HDAC9: variants seen among roughly 807,000 people sequenced by gnomAD.
The protein encoded by HDAC9 is MEF-2 interacting transcription repressor (MITR) protein.
Under a neutral mutation model 139.4 loss-of-function variants are expected in HDAC9, and 41 were observed. The observed-to-expected ratio is 0.29, with a 90% CI of 0.23 to 0.38. HDAC9 has a LOEUF of 0.38. Among genes scored for constraint, HDAC9 ranks in the 10% least tolerant of loss-of-function variants. The pLI, the probability that HDAC9 is intolerant of heterozygous loss-of-function variation, is 1.00. For synonymous variants in HDAC9, 517 were observed against 476.2 expected, an observed-to-expected ratio of 1.09 and a Z score of -1.12; for missense variants, 1,147 against 1,297.0, an observed-to-expected ratio of 0.88 and a Z score of 1.78.
chr7:18,710,697 A>G (rs1784282559), intron 12 of HDAC9, among the ~76,000 whole-genome samples: 1 of 152,222 alleles, frequency 6.6e-6, no homozygotes. Context: ...AGTTGAAAGT[A>G]CATCAAATGC....
Position 18,658,890 on chromosome 7 carries a change from AAAAAAAAGC to A in HDAC9, c.1468-7315_1468-7307del, listed in dbSNP as rs1439281499. Among the ~76,000 whole-genome samples, 46 of 128,022 alleles carry A rather than the reference AAAAAAAAGC, an allele frequency of 3.6e-4. No individual in the cohort carries two copies. In the East Asian group the frequency reaches 3.9e-3, roughly 11 times the overall value. The allele number at this position is 128,022 out of a possible 152,430, so 84.0% of individuals were successfully genotyped here. A position where few individuals can be genotyped will look rare whatever the true frequency, so the allele number is the denominator to read the frequency against. On this transcript the variant is annotated intron_variant, in intron 11 of 25. Transcript: ENST00000686413. The stretch of plus-strand genomic sequence containing the variant: ...AAGAATATTACATTTATTTAAAAGA[AAAAAAAAGC>A]AAAAAAAAAAAAAACAAAACAACAA...
At chr7:18,679,828 A>G (rs576995823) in intron 12 of HDAC9, among the ~76,000 whole-genome samples, 2 of 151,996 alleles carry the variant, frequency 1.3e-5, no homozygotes, top group South Asian at 4.1e-4. Context: ...TACATTTTGT[A>G]TATTATATTT....
chr7:18,097,499 G>A (rs1782588164), intron 1 of HDAC9, among the ~76,000 whole-genome samples: 1 of 141,770 alleles, frequency 7.1e-6, no homozygotes, highest in Non-Finnish European at 1.5e-5. Context: ...AGGTTATCTT[G>A]CGTTTGCTTG....
chr7:18,323,227 T>G (rs1423588582), intron 1 of HDAC9, among the ~76,000 whole-genome samples: 2 of 152,296 alleles, frequency 1.3e-5, no homozygotes, highest in East Asian at 3.9e-4. Flanking sequence ...AGTTCTTTCT[T>G]ATTGGCTCTA....
chr7:18,089,963 T>C (rs950085407), intron 1 of HDAC9, among the ~76,000 whole-genome samples: 3 of 152,136 alleles, frequency 2.0e-5, no homozygotes, highest in Admixed American at 6.5e-5. Context: ...ACTGTTTAAG[T>C]TGGTGGGGGC....
intron 1 of HDAC9, among the ~76,000 whole-genome samples, chr7:18,410,363 G>A (rs1028953648): frequency 6.6e-6 from 1 of 152,136 alleles, no homozygotes; most frequent in Non-Finnish European, 1.5e-5. Context: ...AAGAAGTAAT[G>A]CTGGATGAAC....
intron 1 of HDAC9, among the ~76,000 whole-genome samples, chr7:18,484,866 A>AG (rs76392201): frequency 1.3e-5 from 2 of 151,990 alleles, no homozygotes; most frequent in African/African-American, 4.8e-5. Flanking sequence ...AAAAAAAAAA[A>AG]AGGAAAACGT....
At chr7:18,264,034 ACCCAAAATGTATGAC>A (rs1795849754) in intron 2 of HDAC9, among the ~76,000 whole-genome samples, 1 of 152,220 alleles carries the variant, frequency 6.6e-6, no homozygotes, top group African/African-American at 2.4e-5. Context: ...ACATTTATGC[ACCCAAAATGTATGAC>A]ACAAAATTGA....
At chr7:18,906,143 T>A (rs1441906388) in intron 22 of HDAC9, among the ~76,000 whole-genome samples, 1 of 151,646 alleles carries the variant, frequency 6.6e-6, no homozygotes, top group African/African-American at 2.4e-5. Context: ...TTTTTTAACG[T>A]TATTTTTTTT....
chr7:18,900,882 G>A (rs1801641679), intron 22 of HDAC9, among the ~76,000 whole-genome samples: 1 of 152,036 alleles, frequency 6.6e-6, no homozygotes, highest in Non-Finnish European at 1.5e-5. Context: ...GCTAATAAGA[G>A]CCACAACTTT....
chr7:18,265,080 C>T (rs1795914614), intron 2 of HDAC9, among the ~76,000 whole-genome samples: 2 of 152,046 alleles, frequency 1.3e-5, no homozygotes, highest in South Asian at 4.1e-4. Flanking sequence ...TTAGGAGTCT[C>T]AATGCTGGCT....
At chr7:18,902,195 C>G (rs1398292074) in intron 22 of HDAC9, among the ~76,000 whole-genome samples, 1 of 152,206 alleles carries the variant, frequency 6.6e-6, no homozygotes, top group African/African-American at 2.4e-5. Context: ...GGAACATGCA[C>G]TAATGCTGCT....
intron 1 of HDAC9, among the ~76,000 whole-genome samples, chr7:18,303,123 T>C (rs1334312166): frequency 6.6e-6 from 1 of 152,140 alleles, no homozygotes; most frequent in East Asian, 1.9e-4. Flanking sequence ...ATATAAAGAT[T>C]AAGTGTATAG....
chr7:18,430,867 A>G (rs745745597), intron 1 of HDAC9: 12 of 152,384 alleles, frequency 7.9e-5, no homozygotes, highest in Non-Finnish European at 1.5e-4. Flanking sequence ...ATCCTGGACA[A>G]CAGAGTGAGA....
intron 17 of HDAC9, among the ~76,000 whole-genome samples, chr7:18,821,690 A>T (rs1562964605): frequency 1.3e-5 from 2 of 152,216 alleles, no homozygotes. Context: ...GTTTAACTCA[A>T]TTCTGACACT....
intron 21 of HDAC9, among the ~76,000 whole-genome samples, chr7:18,874,132 T>C (rs1359514202): frequency 6.6e-6 from 1 of 152,028 alleles, no homozygotes; most frequent in Non-Finnish European, 1.5e-5. Flanking sequence ...CTGTAAAACA[T>C]TAGTCACTCC....
chr7:18,686,521 C>A (rs146578969), intron 12 of HDAC9, among the ~76,000 whole-genome samples: 142 of 152,032 alleles, frequency 9.3e-4, no homozygotes, highest in African/African-American at 3.3e-3. Context: ...ATGAAATCCC[C>A]AACTCTTCCA....
chr7:18,856,261 G>T (rs1797669691), intron 21 of HDAC9, among the ~76,000 whole-genome samples: 1 of 152,076 alleles, frequency 6.6e-6, no homozygotes, highest in South Asian at 2.1e-4. Context: ...CCTAAAATAA[G>T]AATCTATTCT....
rs1786567725 is a variant in HDAC9, at chr7:18,998,119, C to CT, written c.*2057_*2058insT. 6.6e-6 allele frequency: 1 copy of CT among 152,008 alleles called. No homozygotes were observed. The highest frequency in any genetic ancestry group is 2.4e-5 in the African/African-American group (1 of 41,394). The allele number at this position is 152,008 out of a possible 1,614,324, so 9.4% of individuals were successfully genotyped here. ...GCCAAAGGCTTAACAAAAGACTCTC[C>CT]CCCATTTTAAAAAGGAAACTCATGT... On this transcript the variant is annotated 3_prime_UTR_variant, in exon 26 of 26. Transcript: ENST00000686413.
Sources: allele counts gnomAD v4.1 joint callset (sites outside exome capture counted in the v4.1 genomes callset), GRCh38; gene constraint gnomAD v4.1.1; transcripts MANE v1.5; gene names NCBI Gene and HGNC (gene_info 2026-07-23, HGNC 2026-07-21).